The following TRPC6 variants were observed in gnomAD, a reference collection of about 807,000 sequenced individuals.
TRPC6 encodes transient receptor potential cation channel subfamily C member 6.
Under a neutral mutation model 90.7 loss-of-function variants are expected in TRPC6, and 55 were observed. That is an observed-to-expected ratio of 0.61 (90% confidence interval 0.49 to 0.76). The LOEUF is 0.76. TRPC6 is among the 30% of genes least tolerant of loss of function. TRPC6 has a pLI of 0.00. For missense variants in TRPC6, 989 were observed against 1,122.7 expected (o/e 0.88, Z 1.70); for synonymous variants, 393 against 393.0 (o/e 1.00, Z 0.00).
chr11:101,568,630 C>T (rs1217440144), intron 1 of TRPC6, among the ~76,000 whole-genome samples: 1 of 152,120 alleles, frequency 6.6e-6, no homozygotes, highest in Non-Finnish European at 1.5e-5. Flanking sequence ...CTGGGTTACC[C>T]ACATAGGGAA....
chr11:101,555,089 TAA>T (rs1861531669), intron 1 of TRPC6, among the ~76,000 whole-genome samples: 1 of 152,178 alleles, frequency 6.6e-6, no homozygotes, highest in African/African-American at 2.4e-5. Context: ...TGTGGTAGGC[TAA>T]GAGACACTGC....
At position 101,472,034 on chromosome 11, in the gene TRPC6, A is replaced by G. The variant is rs1041607313; in HGVS notation, c.2205+103T>C. ...CGAGTGTATAAAACAGGGAATGAAC[A>G]AAGGGCGAAGAGCAGTCCATGCTTT... On this transcript the variant is annotated intron_variant, in intron 8 of 12. Coordinates refer to ENST00000344327, the MANE Select transcript of TRPC6 (RefSeq NM_004621.6). 9 of 1,217,370 alleles carry G rather than the reference A, an allele frequency of 7.4e-6. No homozygotes were observed. In the African/African-American group the frequency reaches 1.2e-4, roughly 16 times the overall value. 75.4% of individuals were successfully genotyped at this position (1,217,370 alleles called of 1,614,324 possible).
chr11:101,470,613 C>T (rs772913281), intron 9 of TRPC6, among the ~76,000 whole-genome samples: 6 of 152,160 alleles, frequency 3.9e-5, no homozygotes, highest in Non-Finnish European at 7.4e-5. Flanking sequence ...CCTACTGCCT[C>T]ATCTAAGCAC....
intron 1 of TRPC6, among the ~76,000 whole-genome samples, chr11:101,556,272 G>A (rs1478199891): frequency 1.3e-5 from 2 of 151,872 alleles, no homozygotes; most frequent in Non-Finnish European, 2.9e-5. Flanking sequence ...ATCAACAAAT[G>A]AAGAGTATGT....
chr11:101,522,808 T>C (rs1860691586), intron 1 of TRPC6, among the ~76,000 whole-genome samples: 1 of 152,250 alleles, frequency 6.6e-6, no homozygotes, highest in Non-Finnish European at 1.5e-5. Context: ...TATGTATCTA[T>C]GTCTGCAAGG....
chr11:101,495,694 T>A lies in TRPC6; in HGVS notation c.946-3956A>T, dbSNP rs902135454. On this transcript the variant is annotated intron_variant, in intron 2 of 12. Transcript: ENST00000344327. ...CTCTTTGCAGTCCCCATCACAAAGC[T>A]ATGCTATCATATAGAAAGTCATGTT... 2.6e-5 allele frequency among the ~76,000 whole-genome samples: 4 copies of A among 151,154 alleles called. 1 individual carries two copies. In the South Asian group the frequency reaches 8.3e-4, roughly 31 times the overall value.
At chr11:101,492,438 A>G (rs1350090528) in intron 2 of TRPC6, among the ~76,000 whole-genome samples, 5 of 152,094 alleles carry the variant, frequency 3.3e-5, no homozygotes, top group Non-Finnish European at 5.9e-5. Flanking sequence ...AGAAAAAATT[A>G]GCCGGGAGTG....
chr11:101,557,103 G>A (rs1385527991), intron 1 of TRPC6, among the ~76,000 whole-genome samples: 4 of 152,034 alleles, frequency 2.6e-5, no homozygotes, highest in East Asian at 3.9e-4. Context: ...TGCCTGTAAC[G>A]CCAGCACTTT....
Position 101,468,455 on chromosome 11 carries a change from C to T in TRPC6, c.2484+972G>A, listed in dbSNP as rs1859203991. On this transcript the variant is annotated intron_variant, in intron 10 of 12. Transcript: ENST00000344327. ...CCAGCTTAACAAAAAAATGGTCTCC[C>T]TCCTTGTCATTTGTATTCCATGGGA... is the stretch of plus-strand genomic sequence containing the variant. 2.0e-5 allele frequency among the ~76,000 whole-genome samples: 3 copies of T among 152,176 alleles called. No homozygotes were observed. The South Asian group carries it at 6.2e-4, about 32-fold the overall frequency.
At chr11:101,569,376 T>A (rs1861906057) in intron 1 of TRPC6, among the ~76,000 whole-genome samples, 1 of 152,118 alleles carries the variant, frequency 6.6e-6, no homozygotes, top group Non-Finnish European at 1.5e-5. Context: ...AGCAAGTTCT[T>A]AGAGACCTAC....
intron 1 of TRPC6, among the ~76,000 whole-genome samples, chr11:101,582,007 A>G (rs1444295132): frequency 1.3e-5 from 2 of 152,248 alleles, no homozygotes; most frequent in African/African-American, 2.4e-5. Flanking sequence ...GGAATTAGAT[A>G]TTAGTGGTGG....
intron 12 of TRPC6, 143 bp downstream of exon 12, chr11:101,453,507 C>T (rs759757304): frequency 2.8e-5 from 23 of 809,370 alleles, no homozygotes; most frequent in African/African-American, 8.4e-5. Flanking sequence ...TTTAACAGAA[C>T]GGCGGTTGGT....
At chr11:101,466,535 T>A (rs1431330832) in intron 10 of TRPC6, among the ~76,000 whole-genome samples, 6 of 152,158 alleles carry the variant, frequency 3.9e-5, no homozygotes, top group African/African-American at 9.7e-5. Flanking sequence ...GCCTCAGCAA[T>A]AGTGGATGGC....
intron 5 of TRPC6, among the ~76,000 whole-genome samples, chr11:101,482,559 T>C (rs1182542558): frequency 6.6e-6 from 1 of 152,222 alleles, no homozygotes; most frequent in African/African-American, 2.4e-5. Context: ...AAATAAATGC[T>C]CAATAAATGC....
chr11:101,520,281 G>A (rs1011315476), intron 1 of TRPC6, among the ~76,000 whole-genome samples: 2 of 152,090 alleles, frequency 1.3e-5, no homozygotes, highest in Admixed American at 6.5e-5. Flanking sequence ...TATGTAAGAA[G>A]TTCCTGCTTC....
chr11:101,494,909 A>G (rs568194515), intron 2 of TRPC6, among the ~76,000 whole-genome samples: 2 of 152,316 alleles, frequency 1.3e-5, no homozygotes, highest in African/African-American at 4.8e-5. Context: ...TCATTTACAA[A>G]TATTTTCATA....
Position 101,583,618 on chromosome 11 carries a change from C to CT in TRPC6, c.-116_-115insA. On this transcript the variant is annotated 5_prime_UTR_variant, in exon 1 of 13. Coordinates refer to ENST00000344327, the MANE Select transcript of TRPC6 (RefSeq NM_004621.6). ...GCGGCCGAACTGGACCTGGGCAGAC[C>CT]GGTGCCCAGGGGACGACGGTGAAGC... 1 of 1,204,222 alleles carries CT rather than the reference C, an allele frequency of 8.3e-7. No homozygotes were observed. The highest frequency in any genetic ancestry group is 1.9e-5 in the South Asian group (1 of 52,750). 74.6% of individuals were successfully genotyped at this position (1,204,222 alleles called of 1,614,324 possible).
intron 1 of TRPC6, among the ~76,000 whole-genome samples, chr11:101,576,694 TAAG>T (rs2136898262): frequency 6.6e-6 from 1 of 152,216 alleles, no homozygotes; most frequent in South Asian, 2.1e-4. Context: ...GGGAGAAAAA[TAAG>T]AATGGACTCA....
At chr11:101,552,482 A>C (rs1861471223) in intron 1 of TRPC6, among the ~76,000 whole-genome samples, 1 of 152,160 alleles carries the variant, frequency 6.6e-6, no homozygotes, top group Non-Finnish European at 1.5e-5. Flanking sequence ...CAAATAATAA[A>C]GCTTTAGTCA....
Sources: allele counts gnomAD v4.1 joint callset (sites outside exome capture counted in the v4.1 genomes callset), GRCh38; gene constraint gnomAD v4.1.1; transcripts MANE v1.5; gene names NCBI Gene and HGNC (gene_info 2026-07-23, HGNC 2026-07-21).